The following FOXN2 variants were observed in gnomAD, a reference collection of about 807,000 sequenced individuals.
The protein encoded by FOXN2 is forkhead box N2.
In FOXN2, 19 loss-of-function variants were observed where a neutral mutation model predicts 41.2. The observed-to-expected ratio is 0.46, with a 90% confidence interval of 0.32 to 0.68. The LOEUF is 0.68. Among genes scored for constraint, FOXN2 ranks in the 30% least tolerant of loss-of-function variants. FOXN2 has a pLI of 0.03. For synonymous variants in FOXN2, 195 were observed against 176.8 expected (o/e 1.10, Z -0.82); for missense variants, 587 against 509.4 (o/e 1.15, Z -1.47).
intron 2 of FOXN2, chr2:48,340,936 A>C (rs1213810939): frequency 6.6e-6 from 1 of 152,204 alleles, no homozygotes; most frequent in Non-Finnish European, 1.5e-5. Context: ...TGTATAGTAC[A>C]TTTATCTACT....
chr2:48,346,790 G>A (rs1425548084), intron 3 of FOXN2, 39 bp downstream of exon 3: 1 of 1,491,896 alleles, frequency 6.7e-7, no homozygotes, highest in African/African-American at 1.4e-5. Flanking sequence ...GGTGAGGTGG[G>A]GGGACTAATT....
chr2:48,330,232 A>G (rs1445592518), intron 2 of FOXN2, among the ~76,000 whole-genome samples: 1 of 152,082 alleles, frequency 6.6e-6, no homozygotes, highest in Non-Finnish European at 1.5e-5. Context: ...GTCTTGAGAA[A>G]TGGTACCTTA....
chr2:48,326,577 G>C (rs1280422356), intron 1 of FOXN2, among the ~76,000 whole-genome samples: 1 of 152,130 alleles, frequency 6.6e-6, no homozygotes, highest in Non-Finnish European at 1.5e-5. Flanking sequence ...CACACCATAG[G>C]GGTTTCCATT....
intron 3 of FOXN2, among the ~76,000 whole-genome samples, chr2:48,356,901 A>G (rs1265014035): frequency 6.6e-6 from 1 of 152,232 alleles, no homozygotes; most frequent in African/African-American, 2.4e-5. Context: ...AAAATAATAA[A>G]ATGAGAGAAT....
chr2:48,369,912 A>C (rs1014240242), intron 5 of FOXN2, among the ~76,000 whole-genome samples: 1 of 151,960 alleles, frequency 6.6e-6, no homozygotes, highest in Non-Finnish European at 1.5e-5. Context: ...AGGTTGAAGG[A>C]TCGTTTGAGC....
intron 3 of FOXN2, among the ~76,000 whole-genome samples, chr2:48,350,658 C>T (rs754123203): frequency 1.4e-4 from 22 of 152,162 alleles, no homozygotes; most frequent in Non-Finnish European, 2.2e-4. Context: ...TTGGCAGATT[C>T]TGTACATCTG....
intron 2 of FOXN2, among the ~76,000 whole-genome samples, chr2:48,345,058 A>G: frequency 6.6e-6 from 1 of 152,196 alleles, no homozygotes; most frequent in East Asian, 1.9e-4. Context: ...AAATAATTTG[A>G]GAAAATAGAA....
chr2:48,350,031 C>T (rs917947782), intron 3 of FOXN2, among the ~76,000 whole-genome samples: 2 of 152,224 alleles, frequency 1.3e-5, no homozygotes, highest in Non-Finnish European at 2.9e-5. Context: ...AGGAAGACTG[C>T]AGGCAGGCCA....
intron 1 of FOXN2, among the ~76,000 whole-genome samples, chr2:48,318,620 A>T (rs756954960): frequency 1.3e-5 from 2 of 152,202 alleles, no homozygotes; most frequent in South Asian, 2.1e-4. Flanking sequence ...CAAAAACCTT[A>T]ACCTAATTTT....
chr2:48,374,969 C>A lies in FOXN2; in HGVS notation c.822C>A (p.Tyr274Ter). The A allele has an allele frequency of 6.2e-7, 1 of 1,613,692 alleles. No homozygotes were observed. The highest frequency in any genetic ancestry group is 8.5e-7 in the Non-Finnish European group (1 of 1,179,800). ...CAGCATTGCAAAAAAAGAGGAGTTA[C>A]GGCAATGCATTTCATCATCCCAGTG... ...LKTALQKKRS[Y>*]GNAFHHPSAV... The change falls in exon 7 of 7, where the codon TAC becomes TAA. Residue 274 changes from tyrosine to a stop codon, truncating the protein, a stop_gained. Coordinates refer to ENST00000340553, the MANE Select transcript of FOXN2 (RefSeq NM_002158.4). LOFTEE classifies it high-confidence loss of function.
intron 1 of FOXN2, among the ~76,000 whole-genome samples, chr2:48,316,945 A>C (rs1325769928): frequency 1.9e-4 from 1 of 5,300 alleles, no homozygotes; most frequent in African/African-American, 3.2e-3. Context: ...TCAATCAGAA[A>C]AGTTAAATAA....
intron 5 of FOXN2, among the ~76,000 whole-genome samples, chr2:48,363,852 C>G (rs1672356889): frequency 6.6e-6 from 1 of 152,202 alleles, no homozygotes; most frequent in Non-Finnish European, 1.5e-5. Context: ...GATGTTCACA[C>G]AGTGACAAAA....
intron 3 of FOXN2, among the ~76,000 whole-genome samples, chr2:48,355,405 C>A (rs1314194888): frequency 6.6e-6 from 1 of 151,974 alleles, no homozygotes; most frequent in Non-Finnish European, 1.5e-5. Flanking sequence ...AATATATTGG[C>A]ATAAAAATTA....
chr2:48,344,488 T>G (rs1670969895), intron 2 of FOXN2, among the ~76,000 whole-genome samples: 1 of 152,230 alleles, frequency 6.6e-6, no homozygotes, highest in African/African-American at 2.4e-5. Flanking sequence ...ATTCTGACAG[T>G]TCCACTTACG....
At chr2:48,315,543 C>T (rs779933265) in intron 1 of FOXN2, among the ~76,000 whole-genome samples, 2 of 152,174 alleles carry the variant, frequency 1.3e-5, no homozygotes, top group Admixed American at 6.5e-5. Flanking sequence ...GCCGTGGTTA[C>T]CTTTGCCTTT....
intron 1 of FOXN2, among the ~76,000 whole-genome samples, chr2:48,323,493 G>T (rs144660780): frequency 0.016 from 2,390 of 152,244 alleles, 55 homozygotes; most frequent in African/African-American, 0.052. Flanking sequence ...GATTAGTGAT[G>T]TTGAGCATTT....
intron 5 of FOXN2, among the ~76,000 whole-genome samples, chr2:48,370,084 AAGTT>A (rs1399353354): frequency 6.6e-6 from 1 of 152,160 alleles, no homozygotes; most frequent in African/African-American, 2.4e-5. Flanking sequence ...AATGCCATGC[AAGTT>A]GTGCCCTCTG....
intron 3 of FOXN2, among the ~76,000 whole-genome samples, chr2:48,353,597 TGTGTGTGTGA>T (rs1671597649): frequency 1.7e-5 from 2 of 118,896 alleles, no homozygotes; most frequent in African/African-American, 3.3e-5. Context: ...TGTGTGTGTG[TGTGTGTGTGA>T]AAGAGAAAGG....
intron 2 of FOXN2, among the ~76,000 whole-genome samples, chr2:48,331,180 G>C (rs1468424708): frequency 1.3e-5 from 2 of 152,110 alleles, no homozygotes; most frequent in Non-Finnish European, 2.9e-5. Context: ...GTTTGCTTTG[G>C]GCTATCAAGA....
Sources: allele counts gnomAD v4.1 joint callset (sites outside exome capture counted in the v4.1 genomes callset), GRCh38; gene constraint gnomAD v4.1.1; transcripts MANE v1.5; gene names NCBI Gene and HGNC (gene_info 2026-07-23, HGNC 2026-07-21).